FOXK1: variants seen among roughly 807,000 people sequenced by gnomAD.
FOXK1 encodes forkhead box K1.
FOXK1 carries 19 observed loss-of-function variants against 51.9 expected under a neutral mutation model. The ratio of observed to expected loss-of-function variants is 0.37; its 90% CI spans 0.26 to 0.54. FOXK1 has a LOEUF of 0.54. FOXK1 is among the 20% of genes least tolerant of loss of function. The pLI, the probability that FOXK1 is intolerant of heterozygous loss-of-function variation, is 0.87. For synonymous variants in FOXK1, 537 were observed against 482.6 expected (o/e 1.11, Z -1.48); for missense variants, 870 against 1,032.7 (o/e 0.84, Z 2.16).
chr7:4,762,363 G>C lies in FOXK1; in HGVS notation c.2101G>C (p.Glu701Gln). Residue 701 changes from glutamate (E) to glutamine (Q), a missense_variant, in exon 9 of 9, where the codon GAG (glutamate) becomes CAG (glutamine). By Grantham distance (29) the Glu-to-Gln change is conservative (BLOSUM62 2). Around this residue, in one of 3 missense-constraint regions of FOXK1, gnomAD observed 457 missense variants for 510.8 expected, o/e 0.89. Transcript: ENST00000328914. The surrounding 1 kb of genome is among the most constrained non-coding windows in gnomAD (Gnocchi z 5.7). Reference sequence around the variant, plus strand: ...CTCCGCCTCTTCCACTGGAGAGCCCGAGGTCAAAAGGTCCCGGGTGGAGGA... The same window carrying C: ...CTCCGCCTCTTCCACTGGAGAGCCCCAGGTCAAAAGGTCCCGGGTGGAGGA... ...SASASSTGEP[E>Q]VKRSRVEEPS... 6.4e-7 allele frequency: 1 copy of C among 1,550,522 alleles called. No homozygotes were observed. The highest frequency in any genetic ancestry group is 8.7e-7 in the Non-Finnish European group (1 of 1,146,952).
chr7:4,708,539 C>T (rs780749970), intron 1 of FOXK1, among the ~76,000 whole-genome samples: 1 of 152,212 alleles, frequency 6.6e-6, no homozygotes, highest in African/African-American at 2.4e-5. Context: ...AGAACAAGAA[C>T]TAAAGATGAC....
chr7:4,699,534 A>G (rs1403735365), intron 1 of FOXK1, among the ~76,000 whole-genome samples: 1 of 151,686 alleles, frequency 6.6e-6, no homozygotes, highest in East Asian at 1.9e-4. Context: ...TGCTGGGCTA[A>G]TTTTTGTATT....
chr7:4,751,293 A>C (rs1780774515), intron 2 of FOXK1, among the ~76,000 whole-genome samples: 2 of 142,634 alleles, frequency 1.4e-5, no homozygotes, highest in Admixed American at 1.4e-4. Context: ...AAGCATTGGG[A>C]TTACCAATCC....
chr7:4,741,165 C>T, intron 2 of FOXK1, 142 bp downstream of exon 2: 1 of 571,118 alleles, frequency 1.8e-6, no homozygotes, highest in African/African-American at 2.0e-5. Flanking sequence ...GTACGTCCAT[C>T]CGGGACCTGG....
intron 1 of FOXK1, among the ~76,000 whole-genome samples, chr7:4,721,213 G>C (rs1780304870): frequency 6.6e-6 from 1 of 152,180 alleles, no homozygotes; most frequent in Non-Finnish European, 1.5e-5. Flanking sequence ...CAGCAGCTCA[G>C]ACTGGAGCTT....
intron 1 of FOXK1, among the ~76,000 whole-genome samples, chr7:4,692,482 G>A (rs897152284): frequency 5.9e-5 from 9 of 152,152 alleles, no homozygotes; most frequent in Admixed American, 2.0e-4. Context: ...TGCAACATCC[G>A]CCTCCTGGGT....
At chr7:4,754,043 G>A (rs1015959125) in intron 2 of FOXK1, among the ~76,000 whole-genome samples, 1 of 152,190 alleles carries the variant, frequency 6.6e-6, no homozygotes, top group African/African-American at 2.4e-5. Context: ...TCCTGGGCCC[G>A]AGCCTTTTCC....
chr7:4,761,284 T>C lies in FOXK1; in HGVS notation c.1917T>C (p.Ala639=). 6.2e-7 allele frequency: 1 copy of C among 1,611,720 alleles called. No individual in the cohort carries two copies. Among genetic ancestry groups the C allele is most frequent in the South Asian group, 1.1e-5 (1 of 91,002 alleles). Residue 639 remains alanine, a synonymous_variant, in exon 8 of 9, where the codon GCT becomes GCC. Transcript: ENST00000328914. This position sits in a 1 kb window ranked among gnomAD's most constrained non-coding sequence, Gnocchi z 6.2. ...AVPTNSLAGN[A]YALTSPLQLL... is the part of the protein sequence containing the mutation. Reference sequence around the variant, plus strand: ...CCACGAACAGTTTAGCCGGCAACGCTTACGGTGAGGCCCTGGCCCTGTTCT... The same window carrying C: ...CCACGAACAGTTTAGCCGGCAACGCCTACGGTGAGGCCCTGGCCCTGTTCT...
rs908077055 is a variant in FOXK1 at position 4,690,702 on chromosome 7, A to T, written c.560+7834A>T. Among the ~76,000 whole-genome samples the T allele has an allele frequency of 1.8e-4, 28 of 151,552 alleles. 1 individual carries two copies. Among genetic ancestry groups the T allele is most frequent in the Middle Eastern group, 6.8e-3 (2 of 294 alleles). ...GGTTTGTGGGTGCTAAAAGTGTAGGATGTAGTGGTGTTCATATTTAGTACT... is the reference window on the plus strand; with the variant it reads ...GGTTTGTGGGTGCTAAAAGTGTAGGTTGTAGTGGTGTTCATATTTAGTACT... On this transcript the variant is annotated intron_variant, in intron 1 of 8. Coordinates refer to ENST00000328914, the MANE Select transcript of FOXK1 (RefSeq NM_001037165.2).
At chr7:4,698,431 C>T (rs1457558896) in intron 1 of FOXK1, among the ~76,000 whole-genome samples, 1 of 151,958 alleles carries the variant, frequency 6.6e-6, no homozygotes, top group Non-Finnish European at 1.5e-5. Context: ...TTTATTCACA[C>T]CTACCCCAGG....
At chr7:4,712,488 CA>C (rs1336506428) in intron 1 of FOXK1, among the ~76,000 whole-genome samples, 6 of 152,212 alleles carry the variant, frequency 3.9e-5, no homozygotes, top group Non-Finnish European at 7.4e-5. Flanking sequence ...GATTATTTAC[CA>C]TCAAGGCATA....
chr7:4,695,891 G>A (rs952186338), intron 1 of FOXK1, among the ~76,000 whole-genome samples: 9 of 150,686 alleles, frequency 6.0e-5, no homozygotes, highest in Non-Finnish European at 1.3e-4. Context: ...AGCCGAGATG[G>A]TGCCATTGCA....
At position 4,767,332 on chromosome 7, in the gene FOXK1, ACG is replaced by A. The variant is rs1375669895; in HGVS notation, c.*4870_*4871del. 1.3e-5 allele frequency: 2 copies of A among 152,274 alleles called. No individual in the cohort carries two copies. Among genetic ancestry groups the A allele is most frequent in the Non-Finnish European group, 2.9e-5 (2 of 68,076 alleles). The allele number at this position is 152,274 out of a possible 1,614,324, so 9.4% of individuals were successfully genotyped here. Reference sequence around the variant, plus strand: ...CTCTTTGCAAACGCAGAGCCCCAGAACGCTGGATGGAGGCCTCCTCGGCCCTG... The same window carrying A: ...CTCTTTGCAAACGCAGAGCCCCAGAACTGGATGGAGGCCTCCTCGGCCCTG... On this transcript the variant is annotated 3_prime_UTR_variant, in exon 9 of 9. Transcript: ENST00000328914. This position sits in a 1 kb window ranked among gnomAD's most constrained non-coding sequence, Gnocchi z 6.6.
chr7:4,714,159 T>C (rs1258331684), intron 1 of FOXK1, among the ~76,000 whole-genome samples: 3 of 152,182 alleles, frequency 2.0e-5, no homozygotes, highest in Non-Finnish European at 2.9e-5. Context: ...AGATGGTTTT[T>C]AAAGTTGTCT....
chr7:4,732,021 G>A (rs1484403703), intron 1 of FOXK1, among the ~76,000 whole-genome samples: 3 of 152,218 alleles, frequency 2.0e-5, no homozygotes, highest in African/African-American at 7.2e-5. Context: ...CATCTGAGCA[G>A]CCCAGGCTCC....
rs983072331 is a variant in FOXK1, at chr7:4,761,488, G to A, written c.1921+200G>A. 1.3e-5 allele frequency among the ~76,000 whole-genome samples: 2 copies of A among 152,188 alleles called. No homozygotes were observed. The highest frequency in any genetic ancestry group is 2.9e-5 in the Non-Finnish European group (2 of 68,032). ...GCCACCTATCATCCCAGCACCTTGG[G>A]AGGCCAAGGCAGGCAGATCGCTTGA... On this transcript the variant is annotated intron_variant, in intron 8 of 8. Transcript: ENST00000328914. The surrounding 1 kb of genome is among the most constrained non-coding windows in gnomAD (Gnocchi z 6.2).
intron 1 of FOXK1, among the ~76,000 whole-genome samples, chr7:4,725,444 C>T (rs1473300788): frequency 2.0e-5 from 3 of 152,238 alleles, no homozygotes; most frequent in African/African-American, 4.8e-5. Flanking sequence ...GTCTCAGGAG[C>T]CCAGCCAGCC....
At chr7:4,757,630 G>A (rs376056948) in intron 5 of FOXK1, among the ~76,000 whole-genome samples, 2 of 55,716 alleles carry the variant, frequency 3.6e-5, no homozygotes, top group Admixed American at 2.9e-4. Flanking sequence ...GCAAAACTCC[G>A]TCTCAAAAAA....
rs1296439756 is a variant in FOXK1, at chr7:4,756,835, G to A, written c.1051-159G>A. Among the ~76,000 whole-genome samples the A allele has an allele frequency of 1.3e-5, 2 of 151,842 alleles. No homozygotes were observed. The highest frequency in any genetic ancestry group is 1.9e-4 in the East Asian group (1 of 5,154). On this transcript the variant is annotated intron_variant, in intron 4 of 8. Transcript: ENST00000328914. This position sits in a 1 kb window ranked among gnomAD's most constrained non-coding sequence, Gnocchi z 4.1. Reference sequence around the variant, plus strand: ...ATAGGAATGACCTGCCCTGTGCCTCGGTGCTGCTCCCGTGAGGCCCAGCCA... The same window carrying A: ...ATAGGAATGACCTGCCCTGTGCCTCAGTGCTGCTCCCGTGAGGCCCAGCCA...
Sources: allele counts gnomAD v4.1 joint callset (sites outside exome capture counted in the v4.1 genomes callset), GRCh38; gene constraint gnomAD v4.1.1; regional missense constraint gnomAD v4.1.1; non-coding constraint Gnocchi (gnomAD v3.1); transcripts MANE v1.5; gene names NCBI Gene and HGNC (gene_info 2026-07-23, HGNC 2026-07-21).